STPG2: variants seen among roughly 807,000 people sequenced by gnomAD.
STPG2 encodes sperm tail PG-rich repeat containing 2.
STPG2 carries 56 observed loss-of-function variants against 54.2 expected under a neutral mutation model. The observed-to-expected ratio is 1.03, with a 90% CI of 0.83 to 1.29. STPG2 has a LOEUF of 1.29. Among genes scored for constraint, STPG2 ranks in the 50% most tolerant of loss-of-function variants. The pLI, the probability that STPG2 is intolerant of heterozygous loss-of-function variation, is 0.00. For missense variants in STPG2, 596 were observed against 544.9 expected (o/e 1.09, Z -0.93); for synonymous variants, 200 against 181.8 (o/e 1.10, Z -0.81).
Position 97,509,539 on chromosome 4 carries a change from A to G in STPG2, c.462+203160T>C, listed in dbSNP as rs545694140. 2.0e-5 allele frequency among the ~76,000 whole-genome samples: 3 copies of G among 152,268 alleles called. No homozygotes were observed. The South Asian group carries it at 6.2e-4, about 32-fold the overall frequency. On this transcript the variant is annotated intron_variant, in intron 4 of 4. Coordinates refer to the STPG2 transcript ENST00000522676. ...ATGAGAAAGAAAAGTGTGATAAAGA[A>G]TAGCTTAATGAGGATTTGTGGTATA... is the stretch of plus-strand genomic sequence containing the variant.
intron 8 of STPG2, among the ~76,000 whole-genome samples, chr4:97,909,212 A>G (rs1410272420): frequency 6.6e-6 from 1 of 151,890 alleles, no homozygotes; most frequent in Non-Finnish European, 1.5e-5. Context: ...ATTAAAAATA[A>G]TAAAAGCACA....
At chr4:98,136,469 C>A (rs7679299) in intron 1 of STPG2, among the ~76,000 whole-genome samples, 59,852 of 151,284 alleles carry the variant, frequency 0.4, 12,073 homozygotes, top group Middle Eastern at 0.46. Context: ...TGTTGAATAT[C>A]TTATGTAATT....
At chr4:97,621,077 C>G (rs1311825526) in intron 10 of STPG2, among the ~76,000 whole-genome samples, 1 of 152,014 alleles carries the variant, frequency 6.6e-6, no homozygotes, top group Non-Finnish European at 1.5e-5. Context: ...AATCCAGAAA[C>G]TCTTTGAAAT....
intron 9 of STPG2, among the ~76,000 whole-genome samples, chr4:97,762,827 T>C (rs1366815533): frequency 2.0e-5 from 3 of 152,180 alleles, no homozygotes; most frequent in African/African-American, 4.8e-5. Flanking sequence ...TAAAATTATA[T>C]GGCTAAAAAA....
At chr4:97,445,053 T>G (rs1210887792) in intron 4 of STPG2, among the ~76,000 whole-genome samples, 1 of 151,780 alleles carries the variant, frequency 6.6e-6, no homozygotes, top group Non-Finnish European at 1.5e-5. Flanking sequence ...TAATAATAAC[T>G]TAAGTAATGA....
rs534555935 is a variant in STPG2 at position 97,877,467 on chromosome 4, C to G, written c.1045-36535G>C. Among the ~76,000 whole-genome samples the G allele has an allele frequency of 1.2e-4, 18 of 152,306 alleles. 1 individual carries two copies. The highest frequency in any genetic ancestry group is 8.5e-4 in the Admixed American group (13 of 15,282). Reference sequence around the variant, plus strand: ...AAGAAAAAGAAGTTTAACGGACTCACAGTTCCACGTGGCTGGGGATGCCTT... The same window carrying G: ...AAGAAAAAGAAGTTTAACGGACTCAGAGTTCCACGTGGCTGGGGATGCCTT... On this transcript the variant is annotated intron_variant, in intron 8 of 10. Coordinates refer to ENST00000295268, the MANE Select transcript of STPG2 (RefSeq NM_174952.3).
intron 5 of STPG2, among the ~76,000 whole-genome samples, chr4:98,005,391 A>G (rs1185741738): frequency 6.6e-6 from 1 of 152,192 alleles, no homozygotes; most frequent in Non-Finnish European, 1.5e-5. Flanking sequence ...TGCTCTAAAG[A>G]ACAAACAGCT....
At chr4:97,568,066 G>A (rs1732500655) in intron 10 of STPG2, among the ~76,000 whole-genome samples, 1 of 152,028 alleles carries the variant, frequency 6.6e-6, no homozygotes, top group South Asian at 2.1e-4. Context: ...TGCAAACAGT[G>A]ACAAATGAAC....
chr4:97,614,065 T>C (rs1401262380), intron 10 of STPG2, among the ~76,000 whole-genome samples: 1 of 152,082 alleles, frequency 6.6e-6, no homozygotes, highest in African/African-American at 2.4e-5. Flanking sequence ...TGTATATACT[T>C]GTATACCAGG....
chr4:97,905,032 G>T (rs6828987), intron 8 of STPG2, among the ~76,000 whole-genome samples: 87,895 of 151,196 alleles, frequency 0.58, 26,137 homozygotes, highest in East Asian at 0.74. Context: ...AAAACACTCT[G>T]CAGGATATTA....
intron 9 of STPG2, among the ~76,000 whole-genome samples, chr4:97,745,866 T>C (rs1017785065): frequency 1.1e-4 from 17 of 151,266 alleles, no homozygotes; most frequent in Admixed American, 1.1e-3. Flanking sequence ...TCAAATGTCA[T>C]TGCATTTCAA....
intron 10 of STPG2, among the ~76,000 whole-genome samples, chr4:97,699,584 T>A (rs962084700): frequency 1.3e-5 from 2 of 152,216 alleles, no homozygotes; most frequent in African/African-American, 2.4e-5. Context: ...TCTCCTTCCA[T>A]GCAAAGTGCA....
intron 9 of STPG2, among the ~76,000 whole-genome samples, chr4:97,747,448 T>TA (rs1296188436): frequency 1.3e-5 from 2 of 151,368 alleles, no homozygotes; most frequent in Non-Finnish European, 3.0e-5. Flanking sequence ...GCACAAGACA[T>TA]ACAATTTAAT....
At position 97,981,327 on chromosome 4, in the gene STPG2, G is replaced by C. The variant is rs1400571831; in HGVS notation, c.613-9C>G. 2 of 1,612,968 alleles carry C rather than the reference G, an allele frequency of 1.2e-6. No individual in the cohort carries two copies. Among genetic ancestry groups the C allele is most frequent in the South Asian group, 1.1e-5 (1 of 90,876 alleles). ...TTCATAGGTAAAAATCTCTAGTGAAGAACAGGAAAATATGCCAATAAGAAA... is the reference window on the plus strand; with the variant it reads ...TTCATAGGTAAAAATCTCTAGTGAACAACAGGAAAATATGCCAATAAGAAA... On this transcript the variant is annotated splice_polypyrimidine_tract_variant and intron_variant, in intron 5 of 10. Transcript: ENST00000295268.
At chr4:97,884,409 T>C (rs780970145) in intron 8 of STPG2, among the ~76,000 whole-genome samples, 3 of 152,074 alleles carry the variant, frequency 2.0e-5, no homozygotes, top group South Asian at 2.1e-4. Flanking sequence ...TAAGTTCAAA[T>C]TGAGATTCTT....
chr4:97,898,503 TATAA>T (rs1285899271), intron 8 of STPG2, among the ~76,000 whole-genome samples: 1 of 151,726 alleles, frequency 6.6e-6, no homozygotes, highest in African/African-American at 2.4e-5. Context: ...ATGTTCTTTG[TATAA>T]ATGTCAAAGG....
At chr4:97,606,688 T>C (rs536507768) in intron 10 of STPG2, among the ~76,000 whole-genome samples, 4 of 152,096 alleles carry the variant, frequency 2.6e-5, no homozygotes, top group Non-Finnish European at 4.4e-5. Flanking sequence ...ATTATTTTTA[T>C]TGAGTCCAAA....
intron 10 of STPG2, among the ~76,000 whole-genome samples, chr4:97,651,378 T>A (rs892023914): frequency 9.9e-5 from 15 of 152,144 alleles, no homozygotes; most frequent in Admixed American, 7.9e-4. Flanking sequence ...ACTGTTATTA[T>A]AAAAATCAAT....
intron 7 of STPG2, among the ~76,000 whole-genome samples, chr4:97,961,042 A>G (rs1380478697): frequency 6.6e-6 from 1 of 152,032 alleles, no homozygotes. Context: ...AAATAAACCT[A>G]AATACTTACA....
Sources: allele counts gnomAD v4.1 joint callset (sites outside exome capture counted in the v4.1 genomes callset), GRCh38; gene constraint gnomAD v4.1.1; transcripts MANE v1.5; gene names NCBI Gene and HGNC (gene_info 2026-07-23, HGNC 2026-07-21).